The following ADAMTSL1 variants were observed in gnomAD, a reference collection of about 807,000 sequenced individuals.
ADAMTSL1 encodes ADAMTS like 1.
ADAMTSL1 carries 126 observed loss-of-function variants against 201.8 expected under a neutral mutation model. The ratio of observed to expected loss-of-function variants is 0.62; its 90% CI spans 0.54 to 0.72. The LOEUF (loss-of-function observed/expected upper bound fraction) is 0.72, where lower values mean the gene tolerates loss of function less well. Among genes scored for constraint, ADAMTSL1 ranks in the 30% least tolerant of loss-of-function variants. The pLI, the probability that ADAMTSL1 is intolerant of heterozygous loss-of-function variation, is 0.00. For missense variants in ADAMTSL1, 2,679 were observed against 2,277.8 expected (o/e 1.18, Z -3.59); for synonymous variants, 1,121 against 903.4 (o/e 1.24, Z -4.32).
chr9:18,348,811 A>G (rs1214017383), intron 2 of ADAMTSL1, among the ~76,000 whole-genome samples: 1 of 152,178 alleles, frequency 6.6e-6, no homozygotes, highest in Non-Finnish European at 1.5e-5. Flanking sequence ...TTTTAATTTA[A>G]CTGCCATAAA....
chr9:18,639,269 C>T lies in ADAMTSL1; in HGVS notation c.692C>T (p.Thr231Ile), dbSNP rs748456601. 9 of 1,612,644 alleles carry T rather than the reference C, an allele frequency of 5.6e-6. No homozygotes were observed. In the African/African-American group the frequency reaches 8.0e-5, roughly 14 times the overall value. Reference protein sequence around the residue: ...GPDHLYLETKTLQGTKGENSL... With the variant: ...GPDHLYLETKILQGTKGENSL... Reference sequence around the variant, plus strand: ...GATCATATAGATCTGGAAACCAAAACCCTCCAGGGGACTAAAGGTGAAAAC... The same window carrying T: ...GATCATATAGATCTGGAAACCAAAATCCTCCAGGGGACTAAAGGTGAAAAC... Residue 231 changes from threonine to isoleucine, a missense_variant, in exon 7 of 29, where the codon ACC becomes ATC. Coordinates refer to ENST00000380548, the MANE Select transcript of ADAMTSL1 (RefSeq NM_001040272.6).
At chr9:18,876,222 A>G (rs1306375895) in intron 23 of ADAMTSL1, among the ~76,000 whole-genome samples, 1 of 151,462 alleles carries the variant, frequency 6.6e-6, no homozygotes, top group African/African-American at 2.4e-5. Context: ...TAAGTGGAGC[A>G]TTTAAGCCAT....
chr9:18,780,200 G>A (rs1262627525), intron 19 of ADAMTSL1, among the ~76,000 whole-genome samples: 1 of 152,188 alleles, frequency 6.6e-6, no homozygotes, highest in Non-Finnish European at 1.5e-5. Flanking sequence ...GACAAGCATT[G>A]AGGGGTCCAA....
intron 1 of ADAMTSL1, among the ~76,000 whole-genome samples, chr9:17,975,007 T>A: frequency 6.6e-6 from 1 of 152,088 alleles, no homozygotes; most frequent in East Asian, 1.9e-4. Flanking sequence ...TTCCCTTTTT[T>A]TTCACATCCT....
At chr9:18,391,550 A>G (rs942277596) in intron 2 of ADAMTSL1, among the ~76,000 whole-genome samples, 2 of 152,104 alleles carry the variant, frequency 1.3e-5, no homozygotes, top group African/African-American at 4.8e-5. Flanking sequence ...GGCTCCAGCA[A>G]TCTTCTTGCC....
chr9:18,906,847 ACCTGTGCTC>A lies in ADAMTSL1; in HGVS notation c.5119_5127del (p.Leu1707_Ser1709del). On this transcript the variant is annotated inframe_deletion, in exon 28 of 29. Transcript: ENST00000380548. The stretch of plus-strand genomic sequence containing the variant: ...CGCACCAACAAGGCAGTGCCTGAGC[ACCTGTGCTC>A]CTGGGGGCCCCGGCCTGCCAACTGG... 1 of 1,613,984 alleles carries A rather than the reference ACCTGTGCTC, an allele frequency of 6.2e-7. No homozygotes were observed. The highest frequency in any genetic ancestry group is 8.5e-7 in the Non-Finnish European group (1 of 1,179,882).
At chr9:18,889,354 T>C (rs1829095132) in intron 24 of ADAMTSL1, among the ~76,000 whole-genome samples, 2 of 152,204 alleles carry the variant, frequency 1.3e-5, no homozygotes, top group South Asian at 4.1e-4. Flanking sequence ...TTCACTGTAT[T>C]CATTTCATGG....
At chr9:18,834,696 A>G (rs923773746) in intron 23 of ADAMTSL1, among the ~76,000 whole-genome samples, 4 of 152,078 alleles carry the variant, frequency 2.6e-5, no homozygotes, top group African/African-American at 9.7e-5. Context: ...GGTAAACTAG[A>G]CTGCACTTTA....
intron 2 of ADAMTSL1, among the ~76,000 whole-genome samples, chr9:18,436,218 G>A (rs988501524): frequency 3.9e-5 from 6 of 152,102 alleles, no homozygotes; most frequent in East Asian, 1.9e-4. Flanking sequence ...GTGCAGGACT[G>A]TAAATGCTCG....
intron 21 of ADAMTSL1, among the ~76,000 whole-genome samples, chr9:18,825,676 C>G (rs1156982119): frequency 6.6e-6 from 1 of 152,066 alleles, no homozygotes; most frequent in Non-Finnish European, 1.5e-5. Flanking sequence ...AGACACAGAG[C>G]ATCGCCAGTG....
intron 2 of ADAMTSL1, among the ~76,000 whole-genome samples, chr9:18,352,441 C>A (rs912187310): frequency 2.6e-5 from 4 of 152,202 alleles, no homozygotes; most frequent in Non-Finnish European, 4.4e-5. Flanking sequence ...TCAAATAATT[C>A]CTCAATTCAG....
At position 18,901,089 on chromosome 9, in the gene ADAMTSL1, T is replaced by C. The variant is rs973534476; in HGVS notation, c.4852-4693T>C. On this transcript the variant is annotated intron_variant, in intron 26 of 28. Coordinates refer to ENST00000380548, the MANE Select transcript of ADAMTSL1 (RefSeq NM_001040272.6). ...AGGCCTCACCACAAGCAGTTGCTGG[T>C]GCCATGCTTCTTATACTGCCTGTAA... Among the ~76,000 whole-genome samples the C allele has an allele frequency of 2.6e-5, 4 of 151,764 alleles. No homozygotes were observed. The East Asian group carries it at 5.8e-4, about 22-fold the overall frequency.
chr9:18,394,645 A>G (rs1168807003), intron 2 of ADAMTSL1, among the ~76,000 whole-genome samples: 2 of 152,080 alleles, frequency 1.3e-5, no homozygotes, highest in Non-Finnish European at 2.9e-5. Flanking sequence ...TGTAGATAAA[A>G]GAAAGTTGAT....
intron 2 of ADAMTSL1, among the ~76,000 whole-genome samples, chr9:18,253,625 G>A (rs140520335): frequency 1.0e-3 from 158 of 152,264 alleles, no homozygotes; most frequent in African/African-American, 3.3e-3. Context: ...GGCAAAGTCA[G>A]GGGAAAATGC....
chr9:18,410,987 G>A lies in ADAMTSL1; in HGVS notation c.208-93842G>A, dbSNP rs368645766. Among the ~76,000 whole-genome samples the A allele has an allele frequency of 5.3e-5, 8 of 150,052 alleles. No homozygotes were observed. In the East Asian group the frequency reaches 7.8e-4, roughly 15 times the overall value. ...CTCCAAAGTATCTGGGACTACAGGCGCACACCACCACGCCTGGCTAGTTGT... is the reference window on the plus strand; with the variant it reads ...CTCCAAAGTATCTGGGACTACAGGCACACACCACCACGCCTGGCTAGTTGT... On this transcript the variant is annotated intron_variant, in intron 2 of 29. Transcript: ENST00000680146.
At chr9:18,137,344 T>C (rs1231349839) in intron 1 of ADAMTSL1, among the ~76,000 whole-genome samples, 10 of 152,204 alleles carry the variant, frequency 6.6e-5, no homozygotes, top group Non-Finnish European at 1.2e-4. Context: ...GAAAGAAGTG[T>C]TTCTTTATCG....
intron 1 of ADAMTSL1, among the ~76,000 whole-genome samples, chr9:17,940,869 G>C (rs1386993416): frequency 7.5e-6 from 1 of 133,366 alleles, no homozygotes; most frequent in African/African-American, 2.9e-5. Flanking sequence ...GGCCCGAAGA[G>C]TGGTAGATTT....
Position 18,666,403 on chromosome 9 carries a change from A to G in ADAMTSL1, c.1085+4330A>G, listed in dbSNP as rs565374906. On this transcript the variant is annotated intron_variant, in intron 9 of 28. Coordinates refer to ENST00000380548, the MANE Select transcript of ADAMTSL1 (RefSeq NM_001040272.6). The stretch of plus-strand genomic sequence containing the variant: ...TCAGAGCTATGACATCACTAAGCCC[A>G]TCATATGCTCTGTACACAGTGTATT... 9.2e-5 allele frequency among the ~76,000 whole-genome samples: 14 copies of G among 152,308 alleles called. No individual in the cohort carries two copies. The South Asian group carries it at 2.3e-3, about 25-fold the overall frequency.
intron 4 of ADAMTSL1, among the ~76,000 whole-genome samples, chr9:18,585,599 G>C (rs1468873809): frequency 1.3e-5 from 2 of 152,016 alleles, no homozygotes; most frequent in East Asian, 1.9e-4. Context: ...ACCCTTTTCT[G>C]TGAGACCAGC....
Sources: gnomAD v4.1 joint callset for allele counts (sites outside exome capture counted in the v4.1 genomes callset) on GRCh38, gnomAD v4.1.1 for gene constraint, MANE v1.5 for transcripts, NCBI Gene and HGNC (gene_info 2026-07-23, HGNC 2026-07-21) for gene names.